RAB14: variants seen among roughly 807,000 people sequenced by gnomAD.
RAB14 encodes RAB14, member RAS oncogene family.
RAB14 carries 3 observed loss-of-function variants against 31.1 expected under a neutral mutation model. That is an observed-to-expected ratio of 0.10 (90% CI 0.04 to 0.25). The LOEUF (loss-of-function observed/expected upper bound fraction) is 0.25. Ranked by LOEUF, RAB14 falls within the 10% of genes least tolerant of loss-of-function variation. The pLI is 1.00. For synonymous variants in RAB14, 85 were observed against 84.9 expected (o/e 1.00, Z 0.00); for missense variants, 111 against 260.1 (o/e 0.43, Z 3.94).
intron 7 of RAB14, among the ~76,000 whole-genome samples, chr9:121,182,665 T>C (rs2296077): frequency 0.51 from 77,787 of 151,996 alleles, 21,860 homozygotes; most frequent in South Asian, 0.8. Context: ...TCAAACACTT[T>C]TGAAATGTAA....
chr9:121,190,537 G>C lies in RAB14; in HGVS notation c.284+17C>G. 1 of 1,546,248 alleles carries C rather than the reference G, an allele frequency of 6.5e-7. No individual in the cohort carries two copies. The highest frequency in any genetic ancestry group is 8.7e-7 in the Non-Finnish European group (1 of 1,144,904). The stretch of plus-strand genomic sequence containing the variant: ...GATTTATTTTCCCCATATGAAGGTT[G>C]AAAAATTATCTCTTACCTAGTGATA... On this transcript the variant is annotated intron_variant, in intron 4 of 7. Coordinates refer to ENST00000373840, the MANE Select transcript of RAB14 (RefSeq NM_016322.4).
At chr9:121,194,995 C>T (rs1469476420) in intron 1 of RAB14, among the ~76,000 whole-genome samples, 2 of 152,102 alleles carry the variant, frequency 1.3e-5, no homozygotes, top group African/African-American at 4.8e-5. Context: ...CAGAAAACTC[C>T]CTTAACCAGT....
At chr9:121,182,765 T>TA (rs1268149491) in intron 7 of RAB14, among the ~76,000 whole-genome samples, 165 bp downstream of exon 7, 7 of 152,188 alleles carry the variant, frequency 4.6e-5, no homozygotes, top group Non-Finnish European at 1.0e-4. Flanking sequence ...TTTTGAAATG[T>TA]AAAAAAGGAA....
At chr9:121,199,919 A>C (rs1377217598) in intron 1 of RAB14, among the ~76,000 whole-genome samples, 2 of 152,204 alleles carry the variant, frequency 1.3e-5, no homozygotes, top group African/African-American at 2.4e-5. Context: ...CTCCTCTCTC[A>C]TTCATTCAAA....
chr9:121,201,453 G>C (rs902117261), intron 1 of RAB14, among the ~76,000 whole-genome samples, 186 bp downstream of exon 1: 10 of 152,150 alleles, frequency 6.6e-5, no homozygotes, highest in African/African-American at 2.4e-4. Context: ...CCCCGCCCAG[G>C]AGTCCTGTCA....
intron 4 of RAB14, 129 bp downstream of exon 4, chr9:121,190,425 C>A: frequency 3.4e-6 from 3 of 882,882 alleles, no homozygotes; most frequent in South Asian, 2.7e-5. Flanking sequence ...ACTTAAGAAA[C>A]CATAAAAAAC....
chr9:121,200,653 A>G (rs1261259574), intron 1 of RAB14, among the ~76,000 whole-genome samples: 1 of 152,216 alleles, frequency 6.6e-6, no homozygotes, highest in Non-Finnish European at 1.5e-5. Context: ...AGTTGTAACT[A>G]CATTATAAAT....
intron 1 of RAB14, among the ~76,000 whole-genome samples, chr9:121,196,733 C>A (rs749517073): frequency 1.3e-5 from 2 of 152,142 alleles, no homozygotes; most frequent in Non-Finnish European, 2.9e-5. Context: ...GAATAAGATA[C>A]ATGAATTACA....
chr9:121,200,669 T>C (rs1481937215), intron 1 of RAB14, among the ~76,000 whole-genome samples: 1 of 152,224 alleles, frequency 6.6e-6, no homozygotes, highest in Admixed American at 6.5e-5. Flanking sequence ...TAAATGGTCA[T>C]GTCTGTAACC....
chr9:121,200,918 T>C (rs916485148), intron 1 of RAB14, among the ~76,000 whole-genome samples: 5 of 152,306 alleles, frequency 3.3e-5, no homozygotes, highest in Non-Finnish European at 5.9e-5. Flanking sequence ...AGCTCTGTCG[T>C]CTTCTCTTAG....
At chr9:121,188,268 T>C (rs949870986) in intron 4 of RAB14, among the ~76,000 whole-genome samples, 1 of 152,016 alleles carries the variant, frequency 6.6e-6, no homozygotes, top group Admixed American at 6.6e-5. Flanking sequence ...CTTGACTTTA[T>C]ACAACAGGTA....
At chr9:121,183,213 T>G (rs1256649136) in intron 6 of RAB14, 98 bp downstream of exon 6, 1 of 1,015,544 alleles carries the variant, frequency 9.8e-7, no homozygotes, top group Non-Finnish European at 1.5e-6. Context: ...GAGTCTGCAT[T>G]TAAAAAAAAA....
In RAB14 at chr9:121,201,707, G is replaced by A. The variant is rs1400862797; in HGVS notation, c.-76C>T. The A allele has an allele frequency of 6.5e-6, 1 of 152,736 alleles. No individual in the cohort carries two copies. The highest frequency in any genetic ancestry group is 3.4e-3 in the Middle Eastern group (1 of 294). The allele number at this position is 152,736 out of a possible 1,614,324, so 9.5% of individuals were successfully genotyped here. A position where few individuals can be genotyped will look rare whatever the true frequency, so the allele number is the denominator to read the frequency against. Reference sequence around the variant, plus strand: ...GGGCGTCAGGACCAGGAACAGGAGTGCGGACGCAGCGGGAGAGGGGGCGGG... The same window carrying A: ...GGGCGTCAGGACCAGGAACAGGAGTACGGACGCAGCGGGAGAGGGGGCGGG... On this transcript the variant is annotated 5_prime_UTR_variant, in exon 1 of 8. Transcript: ENST00000373840.
chr9:121,183,934 G>A (rs2053646593), intron 5 of RAB14, among the ~76,000 whole-genome samples: 1 of 152,184 alleles, frequency 6.6e-6, no homozygotes, highest in South Asian at 2.1e-4. Context: ...TTCCCTAGAG[G>A]AGAAGATTCA....
At chr9:121,189,778 G>GGTCC (rs1247268920) in intron 4 of RAB14, among the ~76,000 whole-genome samples, 3 of 152,006 alleles carry the variant, frequency 2.0e-5, no homozygotes, top group African/African-American at 7.3e-5. Flanking sequence ...ATTATCACTT[G>GGTCC]GTCCCACTCG....
chr9:121,194,735 TTACTATA>T (rs1360449262), intron 1 of RAB14, among the ~76,000 whole-genome samples: 1 of 152,154 alleles, frequency 6.6e-6, no homozygotes, highest in Non-Finnish European at 1.5e-5. Context: ...AATTATCACC[TTACTATA>T]TACCATATTT....
intron 5 of RAB14, among the ~76,000 whole-genome samples, chr9:121,185,542 T>G (rs1392809698): frequency 6.6e-6 from 1 of 152,144 alleles, no homozygotes; most frequent in East Asian, 1.9e-4. Flanking sequence ...GCCCTCTATG[T>G]CATCACACCA....
intron 1 of RAB14, among the ~76,000 whole-genome samples, chr9:121,200,655 A>C (rs553716839): frequency 2.0e-4 from 30 of 152,324 alleles, no homozygotes; most frequent in African/African-American, 6.5e-4. Flanking sequence ...TTGTAACTAC[A>C]TTATAAATGG....
chr9:121,196,233 CA>C (rs1439848226), intron 1 of RAB14, among the ~76,000 whole-genome samples: 1 of 151,788 alleles, frequency 6.6e-6, no homozygotes, highest in African/African-American at 2.4e-5. Flanking sequence ...ACTACCGGGA[CA>C]ATTAAAATTC....
Sources: gnomAD v4.1 joint callset for allele counts (sites outside exome capture counted in the v4.1 genomes callset) on GRCh38, gnomAD v4.1.1 for gene constraint, MANE v1.5 for transcripts, NCBI Gene and HGNC (gene_info 2026-07-23, HGNC 2026-07-21) for gene names.